Variants in UPF3B observed in about 807,000 individuals in gnomAD.
UPF3B encodes the protein regulator of nonsense transcripts 3B.
UPF3B carries 7 observed loss-of-function variants against 40.3 expected under a neutral mutation model. The observed-to-expected ratio is 0.17, with a 90% CI of 0.10 to 0.33. The LOEUF is 0.33. Among genes scored for constraint, UPF3B ranks in the 10% least tolerant of loss-of-function variants. The probability of loss-of-function intolerance (pLI) is 1.00; values close to 1 mark genes in which losing one functional copy is unlikely to be tolerated. For synonymous variants in UPF3B, 117 were observed against 117.3 expected (o/e 1.00, Z 0.01); for missense variants, 229 against 358.9 (o/e 0.64, Z 2.93).
chrX:119,837,822 T>C lies in UPF3B; in HGVS notation c.1237A>G (p.Ile413Val). ...KGKKAESTES[I>V]GSSEKTEKKE... ...TTTTCAGTTTTTTCTGAGCTGCCTATTGATTCTGTACTTTCAGCCTTCTTT... is the reference window on the plus strand; with the variant it reads ...TTTTCAGTTTTTTCTGAGCTGCCTACTGATTCTGTACTTTCAGCCTTCTTT... Residue 413 changes from isoleucine (I) to valine (V), a missense_variant, in exon 10 of 11, where the codon ATA (isoleucine) becomes GTA (valine). Physicochemically the swap from Ile to Val is conservative, Grantham distance 29. Around this residue, in one of 3 missense-constraint regions of UPF3B, gnomAD observed 119 missense variants for 153.8 expected, o/e 0.77. Transcript: ENST00000276201. 2.5e-6 allele frequency: 3 copies of C among 1,210,656 alleles called. No homozygotes were observed. Among genetic ancestry groups the C allele is most frequent in the Non-Finnish European group, 3.4e-6 (3 of 895,292 alleles).
intron 4 of UPF3B, among the ~76,000 whole-genome samples, chrX:119,815,909 G>T (rs2055861218): frequency 9.0e-6 from 1 of 111,260 alleles, no homozygotes; most frequent in African/African-American, 3.3e-5. Flanking sequence ...AGTCTGCTGA[G>T]TAGCTGGGAC....
intron 5 of UPF3B, among the ~76,000 whole-genome samples, chrX:119,809,030 C>T (rs766963358): frequency 3.6e-5 from 4 of 112,208 alleles, no homozygotes; most frequent in African/African-American, 1.3e-4. Flanking sequence ...AAGAAATACC[C>T]GAGACTGGGT....
At chrX:119,831,756 G>C (rs1458276290), downstream of UPF3B, 1 of 733,947 alleles carries the variant, frequency 1.4e-6, no homozygotes, top group Non-Finnish European at 1.6e-6. Flanking sequence ...ATCCCTGGAC[G>C]ACCCTGAAGT....
At chrX:119,813,236 G>A (rs2055838644) in intron 5 of UPF3B, among the ~76,000 whole-genome samples, 1 of 111,426 alleles carries the variant, frequency 9.0e-6, no homozygotes, top group Non-Finnish European at 1.9e-5. Context: ...TTGGATATTT[G>A]TCCCCACCCA....
chrX:119,818,413 T>G (rs2147759566), intron 4 of UPF3B, among the ~76,000 whole-genome samples: 1 of 111,635 alleles, frequency 9.0e-6, no homozygotes, highest in South Asian at 3.7e-4. Context: ...AAACCCTGTC[T>G]CTAATAAAAA....
chrX:119,850,847 T>C (rs1034730787), intron 3 of UPF3B, among the ~76,000 whole-genome samples: 21 of 112,272 alleles, frequency 1.9e-4, no homozygotes, highest in African/African-American at 6.1e-4. Flanking sequence ...CAAGCGATTC[T>C]TCTGCCTCAG....
chrX:119,819,791 T>C (rs1407614091), intron 4 of UPF3B, among the ~76,000 whole-genome samples: 1 of 110,638 alleles, frequency 9.0e-6, no homozygotes, highest in Non-Finnish European at 1.9e-5. Context: ...GAGAAGTTTA[T>C]ATTTTTTTCT....
intron 4 of UPF3B, among the ~76,000 whole-genome samples, chrX:119,816,703 C>T (rs866981323): frequency 3.6e-5 from 4 of 111,860 alleles, no homozygotes; most frequent in African/African-American, 1.3e-4. Flanking sequence ...ACCTTGGCTT[C>T]CATTTTCACC....
At chrX:119,819,884 G>A (rs1235596202) in intron 4 of UPF3B, among the ~76,000 whole-genome samples, 7 of 85,059 alleles carry the variant, frequency 8.2e-5, no homozygotes, top group East Asian at 3.6e-4. Context: ...TGGCTCTGTC[G>A]CCCAGGCAGG....
At chrX:119,819,407 GC>G (rs2055892696) in intron 4 of UPF3B, among the ~76,000 whole-genome samples, 1 of 110,854 alleles carries the variant, frequency 9.0e-6, no homozygotes, top group Non-Finnish European at 1.9e-5. Flanking sequence ...GCAGCAAAAT[GC>G]CCAGGAAAGC....
chrX:119,823,556 C>CT lies in UPF3B; in HGVS notation c.393-514dup, dbSNP rs1569459617. ...CTGGCCCATTTCTTTTCTTTTTTTCCTCTTTTTTTTTTTTTTTTTTTGTCT... is the reference window on the plus strand; with the variant it reads ...CTGGCCCATTTCTTTTCTTTTTTTCCTTCTTTTTTTTTTTTTTTTTTTGTCT... On this transcript the variant is annotated intron_variant, in intron 3 of 6. Transcript: ENST00000636792. Among the ~76,000 whole-genome samples the CT allele has an allele frequency of 7.1e-4, 30 of 42,076 alleles. 1 individual carries two copies. The highest frequency in any genetic ancestry group is 3.1e-3 in the African/African-American group (8 of 2,608). 36.5% of individuals were successfully genotyped at this position (42,076 alleles called of 115,157 possible).
At chrX:119,822,489 C>G (rs1569459492) in intron 4 of UPF3B, among the ~76,000 whole-genome samples, 1 of 113,092 alleles carries the variant, frequency 8.8e-6, no homozygotes, top group Non-Finnish European at 1.9e-5. Flanking sequence ...TTTTCTGACA[C>G]TTTAATTTAT....
At chrX:119,833,438 G>A (rs747377530), downstream of UPF3B, among the ~76,000 whole-genome samples, 64 of 111,542 alleles carry the variant, frequency 5.7e-4, no homozygotes, top group Non-Finnish European at 1.1e-3. Flanking sequence ...TTCCCAGACT[G>A]AAGTGATCCT....
intron 3 of UPF3B, among the ~76,000 whole-genome samples, chrX:119,824,420 G>T (rs1400805448): frequency 2.9e-5 from 3 of 102,816 alleles, no homozygotes; most frequent in African/African-American, 1.1e-4. Flanking sequence ...GGGTGGGGAC[G>T]TGTGGTTTAT....
intron 3 of UPF3B, among the ~76,000 whole-genome samples, chrX:119,848,941 C>T (rs1001823808): frequency 7.2e-5 from 8 of 111,339 alleles, no homozygotes; most frequent in Non-Finnish European, 1.1e-4. Context: ...CTGAATTGTA[C>T]GCTTTAAGAG....
At chrX:119,822,547 A>AC (rs1374607908) in intron 4 of UPF3B, among the ~76,000 whole-genome samples, 7 of 112,290 alleles carry the variant, frequency 6.2e-5, no homozygotes, top group Admixed American at 5.7e-4. Context: ...TGAACCTCCG[A>AC]CCAGATTCCT....
Position 119,841,640 on chromosome X carries a change from T to C in UPF3B, c.624+95A>G, listed in dbSNP as rs181862981. On this transcript the variant is annotated intron_variant, in intron 6 of 10. Coordinates refer to ENST00000276201, the MANE Select transcript of UPF3B (RefSeq NM_080632.3). ...AGAGTAATGGTGGAAAAAGCAGCTA[T>C]TTCTCCTCTAGAAACCCAATGCTCT... 3.5e-4 allele frequency: 306 copies of C among 882,724 alleles called. No individual in the cohort carries two copies. In the African/African-American group the frequency reaches 5.5e-3, roughly 16 times the overall value. The allele number at this position is 882,724 out of a possible 1,213,427, so 72.7% of individuals were successfully genotyped here.
intron 3 of UPF3B, among the ~76,000 whole-genome samples, chrX:119,847,697 G>A (rs989896801): frequency 4.5e-5 from 5 of 109,976 alleles, no homozygotes; most frequent in Non-Finnish European, 7.6e-5. Flanking sequence ...CACCTGGGAG[G>A]TGGAGGTTGC....
intron 5 of UPF3B, among the ~76,000 whole-genome samples, chrX:119,808,265 G>A (rs1218264782): frequency 1.8e-5 from 2 of 111,206 alleles, no homozygotes; most frequent in Non-Finnish European, 3.8e-5. Context: ...GAGAGGAAGG[G>A]AGCAAACTAG....
Sources: allele counts gnomAD v4.1 joint callset (sites outside exome capture counted in the v4.1 genomes callset), GRCh38; gene constraint gnomAD v4.1.1; regional missense constraint gnomAD v4.1.1; transcripts MANE v1.5; gene names NCBI Gene and HGNC (gene_info 2026-07-23, HGNC 2026-07-21).